Variants in GHR observed in about 807,000 individuals in gnomAD.
GHR encodes the protein growth hormone receptor, also known as GH receptor.
Under a neutral mutation model 67.1 loss-of-function variants are expected in GHR, and 35 were observed. The observed-to-expected ratio is 0.52, with a 90% CI of 0.40 to 0.69. GHR has a LOEUF of 0.69. GHR is among the 30% of genes least tolerant of loss of function. The pLI is 0.00. For missense variants in GHR, 792 were observed against 764.6 expected (o/e 1.04, Z -0.42); for synonymous variants, 272 against 269.1 (o/e 1.01, Z -0.10).
chr5:42,659,205 G>A (rs893303499), intron 3 of GHR: 2 of 152,046 alleles, frequency 1.3e-5, no homozygotes, highest in Non-Finnish European at 2.9e-5. Flanking sequence ...TTTACACAGG[G>A]GAAAACTGGA....
intron 4 of GHR, among the ~76,000 whole-genome samples, chr5:42,692,232 T>C (rs1425031073): frequency 1.3e-5 from 2 of 152,144 alleles, no homozygotes; most frequent in Non-Finnish European, 2.9e-5. Flanking sequence ...AATGATGTTT[T>C]ATTTTTATTA....
chr5:42,515,854 T>A (rs556826031), intron 1 of GHR, among the ~76,000 whole-genome samples: 1 of 152,226 alleles, frequency 6.6e-6, no homozygotes, highest in Non-Finnish European at 1.5e-5. Flanking sequence ...AATTAGTTCC[T>A]TAGGTATGTT....
chr5:42,516,445 C>T (rs7720880), intron 1 of GHR, among the ~76,000 whole-genome samples: 5,787 of 152,090 alleles, frequency 0.038, 364 homozygotes, highest in African/African-American at 0.13. Flanking sequence ...GGCTACTTCC[C>T]AGCTATGTGA....
At chr5:42,643,154 C>T (rs1424196515) in intron 3 of GHR, among the ~76,000 whole-genome samples, 8 of 152,136 alleles carry the variant, frequency 5.3e-5, no homozygotes, top group East Asian at 1.9e-4. Context: ...GAAAAATTCA[C>T]GCCACAACTG....
chr5:42,488,815 A>G (rs1255234926), intron 1 of GHR, among the ~76,000 whole-genome samples: 1 of 152,236 alleles, frequency 6.6e-6, no homozygotes, highest in Non-Finnish European at 1.5e-5. Context: ...ACATATGGGT[A>G]GTGCTCACCA....
At chr5:42,581,316 C>A (rs1428300095) in intron 2 of GHR, among the ~76,000 whole-genome samples, 1 of 152,168 alleles carries the variant, frequency 6.6e-6, no homozygotes, top group African/African-American at 2.4e-5. Flanking sequence ...AATTTTCCTA[C>A]TTGCAAGCTT....
intron 2 of GHR, among the ~76,000 whole-genome samples, chr5:42,596,041 A>G (rs1045669120): frequency 6.6e-4 from 100 of 152,380 alleles, no homozygotes; most frequent in African/African-American, 2.3e-3. Context: ...GAGATCAATT[A>G]GGAGAAAGTT....
chr5:42,526,918 G>C (rs959583962), intron 1 of GHR, among the ~76,000 whole-genome samples: 3 of 152,138 alleles, frequency 2.0e-5, no homozygotes, highest in African/African-American at 7.2e-5. Flanking sequence ...GAAGAGATTG[G>C]GGGCCTATAT....
At chr5:42,575,807 G>A (rs544899266) in intron 2 of GHR, among the ~76,000 whole-genome samples, 32 of 151,318 alleles carry the variant, frequency 2.1e-4, no homozygotes, top group African/African-American at 5.6e-4. Context: ...AGGCCAAGGC[G>A]GGTGGATCGA....
rs1366522293 is a variant in GHR at position 42,588,967 on chromosome 5, G to A, written c.70+23023G>A. Among the ~76,000 whole-genome samples, 6 of 152,158 alleles carry A rather than the reference G, an allele frequency of 3.9e-5. No individual in the cohort carries two copies. The South Asian group carries it at 8.3e-4, about 21-fold the overall frequency. On this transcript the variant is annotated intron_variant, in intron 2 of 9. Transcript: ENST00000230882. ...GAGAAACTACATCACCTGCTTCACC[G>A]AAATTGAAAAACATTAGATGAACAA... is the stretch of plus-strand genomic sequence containing the variant.
intron 1 of GHR, among the ~76,000 whole-genome samples, chr5:42,515,439 G>A (rs1429585278): frequency 6.6e-6 from 1 of 152,156 alleles, no homozygotes; most frequent in Admixed American, 6.6e-5. Flanking sequence ...CCACAGATGG[G>A]ATTAATGCCA....
intron 1 of GHR, among the ~76,000 whole-genome samples, chr5:42,441,352 G>C (rs1743562556): frequency 6.6e-6 from 1 of 152,168 alleles, no homozygotes; most frequent in Non-Finnish European, 1.5e-5. Flanking sequence ...GGGAGAATGA[G>C]TTTGTTGTAG....
chr5:42,497,421 A>G (rs1746366008), intron 1 of GHR, among the ~76,000 whole-genome samples: 1 of 152,100 alleles, frequency 6.6e-6, no homozygotes, highest in South Asian at 2.1e-4. Flanking sequence ...TGGCTGTTTC[A>G]TGGCAATGAT....
chr5:42,532,373 G>A (rs990433656), intron 1 of GHR, among the ~76,000 whole-genome samples: 3 of 149,916 alleles, frequency 2.0e-5, no homozygotes, highest in Non-Finnish European at 4.5e-5. Context: ...TAGATAGATA[G>A]ATGAAATATA....
At chr5:42,641,601 T>G (rs1476238148) in intron 3 of GHR, among the ~76,000 whole-genome samples, 1 of 152,136 alleles carries the variant, frequency 6.6e-6, no homozygotes, top group African/African-American at 2.4e-5. Flanking sequence ...CCACACTATC[T>G]CATCCTGCCC....
intron 1 of GHR, among the ~76,000 whole-genome samples, chr5:42,484,001 A>C (rs1255934681): frequency 6.6e-6 from 1 of 152,040 alleles, no homozygotes; most frequent in Non-Finnish European, 1.5e-5. Context: ...GTACTGAATA[A>C]TACTTGCTGT....
At chr5:42,645,120 TTGAA>T (rs1252804520) in intron 3 of GHR, among the ~76,000 whole-genome samples, 3 of 152,194 alleles carry the variant, frequency 2.0e-5, no homozygotes, top group Non-Finnish European at 4.4e-5. Context: ...TAACTGGATA[TTGAA>T]TGAGTTGTGC....
intron 2 of GHR, among the ~76,000 whole-genome samples, chr5:42,576,937 G>A (rs1750779094): frequency 6.6e-6 from 1 of 152,146 alleles, no homozygotes; most frequent in Admixed American, 6.5e-5. Flanking sequence ...TACAATACCT[G>A]GTATAGTTAC....
chr5:42,540,453 T>C (rs1191664794), intron 1 of GHR, among the ~76,000 whole-genome samples: 3 of 152,184 alleles, frequency 2.0e-5, no homozygotes, highest in Admixed American at 2.0e-4. Context: ...GTTTCAAATA[T>C]GGTAGTTATC....
Sources: allele counts gnomAD v4.1 joint callset (sites outside exome capture counted in the v4.1 genomes callset), GRCh38; gene constraint gnomAD v4.1.1; transcripts MANE v1.5; gene names NCBI Gene and HGNC (gene_info 2026-07-23, HGNC 2026-07-21).